FZD5: variants seen among roughly 807,000 people sequenced by gnomAD.
The protein encoded by FZD5 is frizzled-5.
In FZD5, 12 loss-of-function variants were observed where a neutral mutation model predicts 40.8. That is an observed-to-expected ratio of 0.29 (90% CI 0.19 to 0.48). The LOEUF is 0.48. Among genes scored for constraint, FZD5 ranks in the 20% least tolerant of loss-of-function variants. The probability of loss-of-function intolerance (pLI) is 0.99; values close to 1 mark genes in which losing one functional copy is unlikely to be tolerated. For synonymous variants in FZD5, 380 were observed against 383.7 expected (o/e 0.99, Z 0.11); for missense variants, 622 against 832.8 (o/e 0.75, Z 3.12).
rs79438790 is a variant in FZD5, at chr2:207,763,101, G to A, written c.*3881C>T. On this transcript the variant is annotated 3_prime_UTR_variant, in exon 2 of 2. Transcript: ENST00000295417. ...TGCCCTGGACTTCAACTACTGACTC[G>A]GTATGTGCCTCATTTGGCTCAGTAA... is the stretch of plus-strand genomic sequence containing the variant. The A allele has an allele frequency of 5.4e-3, 819 of 152,354 alleles. 7 individuals carry two copies. Among genetic ancestry groups the A allele is most frequent in the African/African-American group, 0.018 (760 of 41,402 alleles). 9.4% of individuals were successfully genotyped at this position (152,354 alleles called of 1,614,324 possible).
Position 207,768,592 on chromosome 2 carries a change from G to A in FZD5, c.148C>T (p.His50Tyr). The A allele has an allele frequency of 2.5e-6, 4 of 1,613,952 alleles. No homozygotes were observed. The highest frequency in any genetic ancestry group is 8.5e-7 in the Non-Finnish European group (1 of 1,179,876). ...MCRGIGYNLTHMPNQFNHDTQ... is the reference protein window; with the variant it reads ...MCRGIGYNLTYMPNQFNHDTQ... ...TCGTGGTTGAACTGGTTGGGCATGT[G>A]CGTCAGGTTGTAGCCGATGCCGCGG... Residue 50 changes from histidine (H) to tyrosine (Y), a missense_variant, in exon 2 of 2, where the codon CAC (histidine) becomes TAC (tyrosine). His to Tyr is a moderately conservative substitution (Grantham distance 83). Transcript: ENST00000295417.
At chr2:207,769,189 G>C (rs1023334210) in intron 1 of FZD5, 76 bp downstream of exon 1, 1 of 166,610 alleles carries the variant, frequency 6.0e-6, no homozygotes, top group African/African-American at 2.4e-5. Flanking sequence ...GCAGTGCCCG[G>C]AGACCAGAAC....
Position 207,767,764 on chromosome 2 carries a change from C to T in FZD5, c.976G>A (p.Gly326Ser), listed in dbSNP as rs768863297. ...ACCCACCAGATGGAGCTGGCCATGC[C>T]GAAGAAGTAGACCAGGAGGAAGACG... Reference protein sequence around the residue: ...TIVFLLVYFFGMASSIWWVIL... With the variant: ...TIVFLLVYFFSMASSIWWVIL... Residue 326 changes from glycine (G) to serine (S), a missense_variant, in exon 2 of 2, where the codon GGC (glycine) becomes AGC (serine). Gly to Ser is a moderately conservative substitution (Grantham distance 56). This residue lies in a region of FZD5 where 208 missense variants were observed against 348.9 expected (regional missense o/e 0.60). Transcript: ENST00000295417. 2.5e-6 allele frequency: 4 copies of T among 1,613,974 alleles called. No homozygotes were observed. Among genetic ancestry groups the T allele is most frequent in the Non-Finnish European group, 3.4e-6 (4 of 1,179,956 alleles).
Position 207,769,721 on chromosome 2 carries a change from C to T in FZD5, c.-712G>A, listed in dbSNP as rs2092001899. Among the ~76,000 whole-genome samples, 1 of 151,964 alleles carries T rather than the reference C, an allele frequency of 6.6e-6. No individual in the cohort carries two copies. The highest frequency in any genetic ancestry group is 6.6e-5 in the Admixed American group (1 of 15,248). On this transcript the variant is annotated 5_prime_UTR_variant, in exon 1 of 2. Transcript: ENST00000295417. ...CGGCCGCCGCGTCCCGCCCGCCGCT[C>T]GCCTCCTCCCCTGCAGGGGGCTCCG... is the stretch of plus-strand genomic sequence containing the variant.
chr2:207,768,741 G>GCC lies in FZD5; in HGVS notation c.-4_-3dup. 6.4e-7 allele frequency: 1 copy of GCC among 1,552,120 alleles called. No individual in the cohort carries two copies. The highest frequency in any genetic ancestry group is 8.7e-7 in the Non-Finnish European group (1 of 1,149,104). On this transcript the variant is annotated 5_prime_UTR_variant, in exon 2 of 2. Coordinates refer to ENST00000295417, the MANE Select transcript of FZD5 (RefSeq NM_003468.4). ...CGCGGATGGGTCAGGCCGAGCCATC[G>GCC]CCCCCTCCCTCCCCTCGCCTCCAGC...
rs746261309 is a variant in FZD5 at position 207,767,818 on chromosome 2, C to T, written c.922G>A (p.Glu308Lys). The change falls in exon 2 of 2, where the codon GAG (glutamate) becomes AAG (lysine). Residue 308 changes from glutamate to lysine, a missense_variant. Physicochemically the swap from Glu to Lys is moderately conservative, Grantham distance 56. Coordinates refer to ENST00000295417, the MANE Select transcript of FZD5 (RefSeq NM_003468.4). Reference sequence around the variant, plus strand: ...GTGCACAGTGCAGGGCCCGTGGTCTCGTAGTGGATGTGGTTGTGCTCGCGG... The same window carrying T: ...GTGCACAGTGCAGGGCCCGTGGTCTTGTAGTGGATGTGGTTGTGCTCGCGG... Reference protein sequence around the residue: ...CSREHNHIHYETTGPALCTIV... With the variant: ...CSREHNHIHYKTTGPALCTIV... 3 of 1,609,162 alleles carry T rather than the reference C, an allele frequency of 1.9e-6. No homozygotes were observed. The highest frequency in any genetic ancestry group is 1.7e-5 in the Admixed American group (1 of 59,160).
At position 207,768,445 on chromosome 2, in the gene FZD5, G is replaced by A. The variant is rs1434409955; in HGVS notation, c.295C>T (p.His99Tyr). The A allele has an allele frequency of 6.2e-7, 1 of 1,609,440 alleles. No homozygotes were observed. Among genetic ancestry groups the A allele is most frequent in the Non-Finnish European group, 8.5e-7 (1 of 1,179,720 alleles). ...MYTPICLPDY[H>Y]KPLPPCRSVC... ...GAGCGGCAGGGCGGCAGCGGCTTGTGGTAGTCGGGCAGACAGATGGGCGTG... is the reference window on the plus strand; with the variant it reads ...GAGCGGCAGGGCGGCAGCGGCTTGTAGTAGTCGGGCAGACAGATGGGCGTG... Residue 99 changes from histidine (H) to tyrosine (Y), a missense_variant, in exon 2 of 2, where the codon CAC becomes TAC. Physicochemically the swap from His to Tyr is moderately conservative, Grantham distance 83 (BLOSUM62 2). Around this residue, in one of 4 missense-constraint regions of FZD5, gnomAD observed 144 missense variants for 214.2 expected, o/e 0.67. Coordinates refer to ENST00000295417, the MANE Select transcript of FZD5 (RefSeq NM_003468.4).
chr2:207,769,498 A>T lies in FZD5; in HGVS notation c.-489T>A, dbSNP rs2092000345. 6.6e-6 allele frequency: 1 copy of T among 152,472 alleles called. No homozygotes were observed. Among genetic ancestry groups the T allele is most frequent in the African/African-American group, 2.4e-5 (1 of 41,422 alleles). The allele number at this position is 152,472 out of a possible 1,614,324, so 9.4% of individuals were successfully genotyped here. Reference sequence around the variant, plus strand: ...GGTCACTCGCCCTCTCCTCCTCGGGAGCCCCCCGCATGATCCAGACGGAGC... The same window carrying T: ...GGTCACTCGCCCTCTCCTCCTCGGGTGCCCCCCGCATGATCCAGACGGAGC... On this transcript the variant is annotated 5_prime_UTR_variant, in exon 1 of 2. Coordinates refer to ENST00000295417, the MANE Select transcript of FZD5 (RefSeq NM_003468.4).
Position 207,768,922 on chromosome 2 carries a change from C to A in FZD5, c.-183G>T. The A allele has an allele frequency of 1.7e-6, 1 of 602,938 alleles. No individual in the cohort carries two copies. Among genetic ancestry groups the A allele is most frequent in the Non-Finnish European group, 3.0e-6 (1 of 335,400 alleles). The allele number at this position is 602,938 out of a possible 1,614,324, so 37.3% of individuals were successfully genotyped here. On this transcript the variant is annotated 5_prime_UTR_variant, in exon 2 of 2. Coordinates refer to ENST00000295417, the MANE Select transcript of FZD5 (RefSeq NM_003468.4). ...CTGCTTCGGGAAGGCGCTGCCTCCG[C>A]TGGCAGCGCTCCGCTCCTCGCCGGA...
rs780899146 is a variant in FZD5, at chr2:207,764,635, A to G, written c.*2347T>C. 7.2e-5 allele frequency: 11 copies of G among 152,250 alleles called. No individual in the cohort carries two copies. Among genetic ancestry groups the G allele is most frequent in the Non-Finnish European group, 1.5e-4 (10 of 68,050 alleles). 9.4% of individuals were successfully genotyped at this position (152,250 alleles called of 1,614,324 possible). A position where few individuals can be genotyped will look rare whatever the true frequency, so the allele number is the denominator to read the frequency against. ...TTTTAAAGTAAATTAGTTGTTCAGC[A>G]TGTTGCTAAAACAAAACAAAAAAAA... On this transcript the variant is annotated 3_prime_UTR_variant, in exon 2 of 2. Transcript: ENST00000295417.
chr2:207,762,642 C>T lies in FZD5; in HGVS notation c.*4340G>A, dbSNP rs2091960992. ...TACTTTAATGCATTTTAAAATTTAT[C>T]TACATTAATTGGGAACAAAGAAAAA... is the stretch of plus-strand genomic sequence containing the variant. On this transcript the variant is annotated 3_prime_UTR_variant, in exon 2 of 2. Coordinates refer to ENST00000295417, the MANE Select transcript of FZD5 (RefSeq NM_003468.4). 6.6e-6 allele frequency: 1 copy of T among 152,512 alleles called. No homozygotes were observed. The highest frequency in any genetic ancestry group is 2.4e-5 in the African/African-American group (1 of 41,392). 9.4% of individuals were successfully genotyped at this position (152,512 alleles called of 1,614,324 possible).
rs2091970628 is a variant in FZD5 at position 207,764,642 on chromosome 2, T to C, written c.*2340A>G. The C allele has an allele frequency of 6.6e-6, 1 of 152,156 alleles. No individual in the cohort carries two copies. Among genetic ancestry groups the C allele is most frequent in the South Asian group, 2.1e-4 (1 of 4,834 alleles). The allele number at this position is 152,156 out of a possible 1,614,324, so 9.4% of individuals were successfully genotyped here. A position where few individuals can be genotyped will look rare whatever the true frequency, so the allele number is the denominator to read the frequency against. ...GTAAATTAGTTGTTCAGCATGTTGC[T>C]AAAACAAAACAAAAAAAAATTCTAA... On this transcript the variant is annotated 3_prime_UTR_variant, in exon 2 of 2. Coordinates refer to ENST00000295417, the MANE Select transcript of FZD5 (RefSeq NM_003468.4).
chr2:207,767,395 G>T lies in FZD5; in HGVS notation c.1345C>A (p.Arg449Ser). The T allele has an allele frequency of 6.2e-7, 1 of 1,612,718 alleles. No homozygotes were observed. ...TAGAGCAGCGTGAAGATGCCGATGCGGATCATGAGCTTCTCCAGCTTGTCC... is the reference window on the plus strand; with the variant it reads ...TAGAGCAGCGTGAAGATGCCGATGCTGATCATGAGCTTCTCCAGCTTGTCC... ...KTDKLEKLMI[R>S]IGIFTLLYTV... The change falls in exon 2 of 2, where the codon CGC becomes AGC. Residue 449 changes from arginine (R) to serine (S), a missense_variant. By Grantham distance (110) the Arg-to-Ser change is moderately radical. Coordinates refer to ENST00000295417, the MANE Select transcript of FZD5 (RefSeq NM_003468.4).
Position 207,768,724 on chromosome 2 carries a change from G to C in FZD5, c.16C>G (p.Pro6Ala), listed in dbSNP as rs756164763. The C allele has an allele frequency of 6.3e-7, 1 of 1,580,840 alleles. No individual in the cohort carries two copies. The highest frequency in any genetic ancestry group is 1.3e-5 in the African/African-American group (1 of 74,146). Residue 6 changes from proline to alanine, a missense_variant, in exon 2 of 2, where the codon CCA becomes GCA. Physicochemically the swap from Pro to Ala is conservative, Grantham distance 27. Coordinates refer to ENST00000295417, the MANE Select transcript of FZD5 (RefSeq NM_003468.4). ...AGCAACAGCGAGGGCGGCGCGGATG[G>C]GTCAGGCCGAGCCATCGCCCCCTCC... Reference protein sequence around the residue: MARPDPSAPPSLLLLL... With the variant: MARPDASAPPSLLLLL...
Position 207,767,334 on chromosome 2 carries a change from A to G in FZD5, c.1406T>C (p.Leu469Pro), listed in dbSNP as rs976625073. The G allele has an allele frequency of 1.2e-6, 2 of 1,612,092 alleles. No individual in the cohort carries two copies. The highest frequency in any genetic ancestry group is 1.1e-5 in the South Asian group (1 of 91,066). Residue 469 changes from leucine to proline, a missense_variant, in exon 2 of 2, where the codon CTG becomes CCG. Leu to Pro is a moderately conservative substitution (Grantham distance 98, BLOSUM62 -3). Coordinates refer to ENST00000295417, the MANE Select transcript of FZD5 (RefSeq NM_003468.4). ...GCTCTCGCGGTAGTGCTGCTCGTAC[A>G]GGTAGCAGGCCACCACAATGCTGGC... The part of the protein sequence containing the change: ...VPASIVVACY[L>P]YEQHYRESWE...
In FZD5 at chr2:207,766,878, G is replaced by A. The variant is rs1000660229; in HGVS notation, c.*104C>T. On this transcript the variant is annotated 3_prime_UTR_variant, in exon 2 of 2. Transcript: ENST00000295417. ...CTCTCTCCAAGTCGCCGCGGGAGGG[G>A]GCAACAGCACCATGAAGGTAAACGG... The A allele has an allele frequency of 1.1e-6, 1 of 931,146 alleles. No individual in the cohort carries two copies. Among genetic ancestry groups the A allele is most frequent in the African/African-American group, 1.7e-5 (1 of 58,084 alleles). 57.7% of individuals were successfully genotyped at this position (931,146 alleles called of 1,614,324 possible).
In FZD5 at chr2:207,765,713, C is replaced by G. The variant is rs996815767; in HGVS notation, c.*1269G>C. 3 of 152,544 alleles carry G rather than the reference C, an allele frequency of 2.0e-5. No homozygotes were observed. Among genetic ancestry groups the G allele is most frequent in the African/African-American group, 7.2e-5 (3 of 41,430 alleles). 9.4% of individuals were successfully genotyped at this position (152,544 alleles called of 1,614,324 possible). A position where few individuals can be genotyped will look rare whatever the true frequency, so the allele number is the denominator to read the frequency against. ...GTCTTGCTGCTCTTGGAATATCTGG[C>G]TATAAACTAGTCCAAAGTCCAGGAA... On this transcript the variant is annotated 3_prime_UTR_variant, in exon 2 of 2. Transcript: ENST00000295417.
chr2:207,766,879 G>A lies in FZD5; in HGVS notation c.*103C>T. On this transcript the variant is annotated 3_prime_UTR_variant, in exon 2 of 2. Transcript: ENST00000295417. Reference sequence around the variant, plus strand: ...TCTCTCCAAGTCGCCGCGGGAGGGGGCAACAGCACCATGAAGGTAAACGGA... The same window carrying A: ...TCTCTCCAAGTCGCCGCGGGAGGGGACAACAGCACCATGAAGGTAAACGGA... 4 of 938,914 alleles carry A rather than the reference G, an allele frequency of 4.3e-6. No homozygotes were observed. Among genetic ancestry groups the A allele is most frequent in the Admixed American group, 6.1e-5 (2 of 32,902 alleles). 58.2% of individuals were successfully genotyped at this position (938,914 alleles called of 1,614,324 possible).
In FZD5 at chr2:207,767,796, C is replaced by T; in HGVS notation, c.944G>A (p.Cys315Tyr). ...GTAGACCAGGAGGAAGACGATGGTG[C>T]ACAGTGCAGGGCCCGTGGTCTCGTA... is the stretch of plus-strand genomic sequence containing the variant. ...IHYETTGPAL[C>Y]TIVFLLVYFF... The change falls in exon 2 of 2, where the codon TGC (cysteine) becomes TAC (tyrosine). Residue 315 changes from cysteine to tyrosine, a missense_variant. By Grantham distance (194) the Cys-to-Tyr change is radical (BLOSUM62 -2). This residue lies in a region of FZD5 where 208 missense variants were observed against 348.9 expected (regional missense o/e 0.60). Coordinates refer to ENST00000295417, the MANE Select transcript of FZD5 (RefSeq NM_003468.4). 1 of 1,612,916 alleles carries T rather than the reference C, an allele frequency of 6.2e-7. No homozygotes were observed. Among genetic ancestry groups the T allele is most frequent in the Non-Finnish European group, 8.5e-7 (1 of 1,179,458 alleles).
Sources: gnomAD v4.1 joint callset for allele counts (sites outside exome capture counted in the v4.1 genomes callset) on GRCh38, gnomAD v4.1.1 for gene constraint, gnomAD v4.1.1 regional missense constraint, MANE v1.5 for transcripts, NCBI Gene and HGNC (gene_info 2026-07-23, HGNC 2026-07-21) for gene names.